GPHN: variants seen among roughly 807,000 people sequenced by gnomAD.
GPHN encodes gephyrin.
Under a neutral mutation model 95.5 loss-of-function variants are expected in GPHN, and 17 were observed. The ratio of observed to expected loss-of-function variants is 0.18; its 90% CI spans 0.12 to 0.27. The LOEUF (loss-of-function observed/expected upper bound fraction) is 0.27. Ranked by LOEUF, GPHN falls within the 10% of genes least tolerant of loss-of-function variation. The pLI is 1.00. For missense variants in GPHN, 660 were observed against 978.1 expected, an observed-to-expected ratio of 0.67 and a Z score of 4.34; for synonymous variants, 320 against 322.5, an observed-to-expected ratio of 0.99 and a Z score of 0.08.
In GPHN at chr14:67,095,966, CAAAA is replaced by C; in HGVS notation, c.1238-4873_1238-4870del. ...AACAAAAAAAAAGAAAAGAAAAAGG[CAAAA>C]AAAAAAAAAAAAAAAAGAATTTAGA... On this transcript the variant is annotated intron_variant, in intron 12 of 22. Coordinates refer to ENST00000478722, the MANE Select transcript of GPHN (RefSeq NM_020806.5). Among the ~76,000 whole-genome samples the C allele has an allele frequency of 7.9e-3, 529 of 67,100 alleles. 4 individuals are homozygous for C. The highest frequency in any genetic ancestry group is 0.017 in the African/African-American group (376 of 22,530). 44.0% of individuals were successfully genotyped at this position (67,100 alleles called of 152,430 possible). A position where few individuals can be genotyped will look rare whatever the true frequency, so the allele number is the denominator to read the frequency against.
At chr14:66,840,494 A>G (rs541894554) in intron 4 of GPHN, among the ~76,000 whole-genome samples, 51 of 152,096 alleles carry the variant, frequency 3.4e-4, no homozygotes, top group Middle Eastern at 3.4e-3. Context: ...CAGATGGTAA[A>G]TTTTTTAGAT....
the GPHN span, among the ~76,000 whole-genome samples, chr14:67,376,040 A>G: frequency 6.6e-6 from 1 of 152,216 alleles, no homozygotes; most frequent in African/African-American, 2.4e-5. Flanking sequence ...GGTGGGTAAG[A>G]TGACAGAAAA....
chr14:67,148,504 A>C lies in GPHN; in HGVS notation c.1836+5055A>C, dbSNP rs1428667888. On this transcript the variant is annotated intron_variant, in intron 18 of 22. Coordinates refer to ENST00000478722, the MANE Select transcript of GPHN (RefSeq NM_020806.5). ...ACCGTAAGGGTCCTTGAGACCTTTT[A>C]AGAGGACCTGCAAGGTCAACACTAT... is the stretch of plus-strand genomic sequence containing the variant. Among the ~76,000 whole-genome samples, 12 of 152,136 alleles carry C rather than the reference A, an allele frequency of 7.9e-5. No homozygotes were observed. The East Asian group carries it at 2.3e-3, about 29-fold the overall frequency.
the GPHN span, among the ~76,000 whole-genome samples, chr14:67,497,320 G>A: frequency 6.6e-6 from 1 of 152,124 alleles, no homozygotes; most frequent in African/African-American, 2.4e-5. Context: ...GGCACGTGGA[G>A]TTAAGTGTAA....
At chr14:67,500,733 G>A in the GPHN span, among the ~76,000 whole-genome samples, 14 of 151,342 alleles carry the variant, frequency 9.3e-5, no homozygotes, top group Admixed American at 7.2e-4. Flanking sequence ...CACCACGCCC[G>A]GCTAATTTTT....
intron 9 of GPHN, among the ~76,000 whole-genome samples, chr14:67,017,141 A>G (rs2073358538): frequency 6.6e-6 from 1 of 152,138 alleles, no homozygotes. Flanking sequence ...AAACTCTTTG[A>G]GTTCTTCAGT....
intron 17 of GPHN, among the ~76,000 whole-genome samples, chr14:67,136,657 C>A (rs1429049009): frequency 6.6e-6 from 1 of 152,152 alleles, no homozygotes; most frequent in East Asian, 1.9e-4. Flanking sequence ...TTTTCAGGAT[C>A]ATCTAGGTAG....
chr14:67,035,481 T>C (rs1012340243), intron 10 of GPHN, among the ~76,000 whole-genome samples: 1 of 151,558 alleles, frequency 6.6e-6, no homozygotes, highest in African/African-American at 2.4e-5. Context: ...CCAACAAAAT[T>C]GACAAACTCT....
the GPHN span, among the ~76,000 whole-genome samples, chr14:67,670,752 CCGTGACCTT>C: frequency 6.6e-6 from 1 of 152,146 alleles, no homozygotes; most frequent in Non-Finnish European, 1.5e-5. Context: ...TGGTCTCCAT[CCGTGACCTT>C]GTGATCCGCC....
intron 1 of GPHN, among the ~76,000 whole-genome samples, chr14:66,622,667 C>T (rs750135547): frequency 1.8e-4 from 27 of 152,238 alleles, no homozygotes; most frequent in Non-Finnish European, 3.2e-4. Flanking sequence ...CTCTCAAGTT[C>T]AAAGTTCCAC....
intron 4 of GPHN, among the ~76,000 whole-genome samples, chr14:66,828,331 C>G (rs1446426064): frequency 6.6e-6 from 1 of 151,972 alleles, no homozygotes; most frequent in Non-Finnish European, 1.5e-5. Context: ...CTTATAATAT[C>G]TAACGTATAA....
chr14:67,323,674 T>G, the GPHN span: 1 of 1,031,418 alleles, frequency 9.7e-7, no homozygotes, highest in Non-Finnish European at 1.4e-6. Context: ...ATGCAAATTA[T>G]TTTAAAAATC....
At chr14:67,094,737 C>T (rs2077281334) in intron 12 of GPHN, among the ~76,000 whole-genome samples, 1 of 152,158 alleles carries the variant, frequency 6.6e-6, no homozygotes, top group African/African-American at 2.4e-5. Flanking sequence ...AAAACAGACT[C>T]TTACATGATG....
chr14:66,782,593 G>A (rs1019292525), intron 3 of GPHN, among the ~76,000 whole-genome samples: 2 of 152,136 alleles, frequency 1.3e-5, no homozygotes, highest in Non-Finnish European at 2.9e-5. Context: ...GCCAAGGCGG[G>A]CGGATCACGA....
intron 1 of GPHN, among the ~76,000 whole-genome samples, chr14:66,660,700 A>G (rs1054974407): frequency 6.6e-6 from 1 of 152,186 alleles, no homozygotes; most frequent in Non-Finnish European, 1.5e-5. Context: ...AACGAAAGGG[A>G]CGAGTAAATG....
At chr14:66,898,714 G>A (rs1240148818) in intron 5 of GPHN, among the ~76,000 whole-genome samples, 2 of 151,516 alleles carry the variant, frequency 1.3e-5, no homozygotes, top group African/African-American at 2.4e-5. Flanking sequence ...AGCTATTTTG[G>A]TCCCTTTTGT....
chr14:66,872,762 G>A (rs1436385301), intron 4 of GPHN, among the ~76,000 whole-genome samples: 1 of 151,964 alleles, frequency 6.6e-6, no homozygotes, highest in Non-Finnish European at 1.5e-5. Context: ...AGGCATGGTG[G>A]TGCGCACCTG....
chr14:66,664,419 G>A (rs1461599702), intron 1 of GPHN, among the ~76,000 whole-genome samples: 1 of 152,154 alleles, frequency 6.6e-6, no homozygotes, highest in East Asian at 1.9e-4. Context: ...TGGAAATCAA[G>A]TTCTTTCAAA....
chr14:67,571,878 G>C, the GPHN span: 3 of 1,612,000 alleles, frequency 1.9e-6, no homozygotes, highest in African/African-American at 4.0e-5. Flanking sequence ...CAGCGGACTA[G>C]GCAGCCCCCG....
Sources: allele counts gnomAD v4.1 joint callset (sites outside exome capture counted in the v4.1 genomes callset), GRCh38; gene constraint gnomAD v4.1.1; transcripts MANE v1.5; gene names NCBI Gene and HGNC (gene_info 2026-07-23, HGNC 2026-07-21).